Variants in NAA25 observed in about 807,000 individuals in gnomAD.
NAA25 encodes N-terminal acetyltransferase B complex subunit NAA25.
In NAA25, 30 loss-of-function variants were observed where a neutral mutation model predicts 132.5. The ratio of observed to expected loss-of-function variants is 0.23; its 90% CI spans 0.17 to 0.31. The LOEUF (loss-of-function observed/expected upper bound fraction) is 0.31. NAA25 is among the 10% of genes least tolerant of loss of function. NAA25 has a pLI of 1.00. For synonymous variants in NAA25, 359 were observed against 401.9 expected (o/e 0.89, Z 1.28); for missense variants, 771 against 1,150.4 (o/e 0.67, Z 4.77).
chr12:112,074,592 GAATTC>G, intron 9 of NAA25, 78 bp downstream of exon 9: 1 of 717,074 alleles, frequency 1.4e-6, no homozygotes, highest in South Asian at 2.5e-5. Context: ...CAGAAAAAGA[GAATTC>G]AATTGGCTTA....
At chr12:112,040,694 T>C in intron 20 of NAA25, 116 bp from the exon 21 acceptor site, 1 of 624,768 alleles carries the variant, frequency 1.6e-6, no homozygotes, top group Non-Finnish European at 2.7e-6. Flanking sequence ...AGCTATTTGT[T>C]TTTCATTTTC....
intron 8 of NAA25, among the ~76,000 whole-genome samples, chr12:112,075,449 A>G (rs2078882232): frequency 6.6e-6 from 1 of 152,182 alleles, no homozygotes; most frequent in Admixed American, 6.6e-5. Flanking sequence ...TTGGCCTCTC[A>G]AAGTGCTGGG....
rs559400264 is a variant in NAA25 at position 112,030,797 on chromosome 12, G to A, written c.2797-1144C>T. Among the ~76,000 whole-genome samples, 57 of 152,218 alleles carry A rather than the reference G, an allele frequency of 3.7e-4. 1 individual carries two copies. The South Asian group carries it at 0.011, about 29-fold the overall frequency. On this transcript the variant is annotated intron_variant, in intron 23 of 23. Transcript: ENST00000261745. ...AGGTGTGCACAAATACATTTCACTC[G>A]GTAACATATGTAAAAGCAAATATAA... is the stretch of plus-strand genomic sequence containing the variant.
At position 112,043,746 on chromosome 12, in the gene NAA25, T is replaced by C. The variant is rs2078334481; in HGVS notation, c.2129A>G (p.Lys710Arg). The C allele has an allele frequency of 6.2e-7, 1 of 1,614,084 alleles. No individual in the cohort carries two copies. Reference sequence around the variant, plus strand: ...ATTCTCGGCAGTCTTCTCCGAGTTCTTTGGCTCCACAGGGTGGTTGAGACT... The same window carrying C: ...ATTCTCGGCAGTCTTCTCCGAGTTCCTTGGCTCCACAGGGTGGTTGAGACT... ...LPSLNHPVEP[K>R]NSEKTAENGV... is the part of the protein sequence containing the mutation. The change falls in exon 18 of 24, where the codon AAG becomes AGG. Residue 710 changes from lysine (K) to arginine (R), a missense_variant. This residue lies in a region of NAA25 where 324 missense variants were observed against 400.0 expected (regional missense o/e 0.81). Transcript: ENST00000261745.
intron 1 of NAA25, among the ~76,000 whole-genome samples, chr12:112,093,485 G>A (rs2079167439): frequency 6.6e-6 from 1 of 152,020 alleles, no homozygotes; most frequent in African/African-American, 2.4e-5. Flanking sequence ...AGGTTGCAGT[G>A]ACCTGAGATC....
chr12:112,086,833 G>A (rs759582657), intron 4 of NAA25, among the ~76,000 whole-genome samples: 4 of 152,074 alleles, frequency 2.6e-5, no homozygotes, highest in Admixed American at 6.6e-5. Flanking sequence ...CCAACATGGA[G>A]AAACCCTGTC....
chr12:112,050,875 A>G lies in NAA25; in HGVS notation c.1729-2432T>C, dbSNP rs542173035. The stretch of plus-strand genomic sequence containing the variant: ...GCAGACCTTCCAAATACAACTTTCA[A>G]TCCCATAGCACAAAACATTACTAAG... On this transcript the variant is annotated intron_variant, in intron 15 of 23. Coordinates refer to ENST00000261745, the MANE Select transcript of NAA25 (RefSeq NM_024953.4). Among the ~76,000 whole-genome samples the G allele has an allele frequency of 3.9e-5, 6 of 152,278 alleles. No individual in the cohort carries two copies. The East Asian group carries it at 1.2e-3, about 29-fold the overall frequency.
chr12:112,048,484 A>G, intron 15 of NAA25, 41 bp from the exon 16 acceptor site: 4 of 1,572,142 alleles, frequency 2.5e-6, no homozygotes, highest in Middle Eastern at 3.4e-4. Context: ...ATAGTTCACA[A>G]GTCAGGCAAT....
intron 1 of NAA25, among the ~76,000 whole-genome samples, chr12:112,102,930 C>T (rs1030916185): frequency 1.3e-5 from 2 of 152,088 alleles, no homozygotes; most frequent in South Asian, 2.1e-4. Context: ...CCTCATGATC[C>T]GCCGGCCTCG....
chr12:112,044,228 G>C (rs1215999539), intron 17 of NAA25, among the ~76,000 whole-genome samples: 1 of 151,582 alleles, frequency 6.6e-6, no homozygotes, highest in Non-Finnish European at 1.5e-5. Context: ...ACCGCGCCTG[G>C]CCTCAAATCA....
intron 15 of NAA25, 78 bp downstream of exon 15, chr12:112,053,480 G>T: frequency 9.6e-7 from 1 of 1,039,932 alleles, no homozygotes; most frequent in Non-Finnish European, 1.5e-6. Flanking sequence ...ATGTGTACTT[G>T]TGACATGTGG....
Position 112,043,966 on chromosome 12 carries a change from C to T in NAA25, c.2007-98G>A, listed in dbSNP as rs545767637. 124 of 1,293,592 alleles carry T rather than the reference C, an allele frequency of 9.6e-5. 2 individuals are homozygous for T. In the South Asian group the frequency reaches 9.9e-4, roughly 10 times the overall value. The allele number at this position is 1,293,592 out of a possible 1,614,324, so 80.1% of individuals were successfully genotyped here. A position where few individuals can be genotyped will look rare whatever the true frequency, so the allele number is the denominator to read the frequency against. On this transcript the variant is annotated intron_variant, in intron 17 of 23. Coordinates refer to ENST00000261745, the MANE Select transcript of NAA25 (RefSeq NM_024953.4). ...TTTTTGAGACAGAGTCTTGATCTGTCGCCCAGGCTGGAGTGCAGTGGCACT... is the reference window on the plus strand; with the variant it reads ...TTTTTGAGACAGAGTCTTGATCTGTTGCCCAGGCTGGAGTGCAGTGGCACT...
intron 22 of NAA25, among the ~76,000 whole-genome samples, chr12:112,035,962 A>G (rs1200733425): frequency 6.6e-6 from 1 of 152,226 alleles, no homozygotes; most frequent in East Asian, 1.9e-4. Context: ...CTGGGATTAT[A>G]GGTGTGAACC....
At chr12:112,075,925 C>G (rs1238521041) in intron 7 of NAA25, 136 bp from the exon 8 acceptor site, 1 of 637,182 alleles carries the variant, frequency 1.6e-6, no homozygotes, top group Admixed American at 2.8e-5. Flanking sequence ...TCTTGTCACC[C>G]AGGCTGGAGT....
intron 18 of NAA25, 26 bp downstream of exon 18, chr12:112,043,599 T>C: frequency 6.2e-7 from 1 of 1,608,148 alleles, no homozygotes; most frequent in Non-Finnish European, 8.5e-7. Context: ...ATTGCAACTT[T>C]GATGGTAAAT....
intron 4 of NAA25, among the ~76,000 whole-genome samples, chr12:112,081,778 T>C (rs767356118): frequency 1.4e-4 from 22 of 152,252 alleles, no homozygotes; most frequent in Non-Finnish European, 3.1e-4. Context: ...AATTTTCATA[T>C]GTTTTTTAAT....
At chr12:112,074,800 C>A (rs1165827747) in intron 8 of NAA25, 36 bp from the exon 9 acceptor site, 1 of 1,373,968 alleles carries the variant, frequency 7.3e-7, no homozygotes, top group Non-Finnish European at 1.0e-6. Context: ...CAGGATTAAA[C>A]CCAAGTTGTG....
intron 4 of NAA25, among the ~76,000 whole-genome samples, chr12:112,086,348 T>C (rs2136919613): frequency 6.6e-6 from 1 of 150,694 alleles, no homozygotes; most frequent in Middle Eastern, 3.5e-3. Flanking sequence ...ACACAAAAAT[T>C]AGCCAGGTAT....
chr12:112,032,103 A>G (rs1215558813), intron 23 of NAA25, among the ~76,000 whole-genome samples: 2 of 151,576 alleles, frequency 1.3e-5, no homozygotes, highest in Non-Finnish European at 2.9e-5. Flanking sequence ...AGCTGGGACT[A>G]GAGGCGCCCA....
Sources: allele counts gnomAD v4.1 joint callset (sites outside exome capture counted in the v4.1 genomes callset), GRCh38; gene constraint gnomAD v4.1.1; regional missense constraint gnomAD v4.1.1; transcripts MANE v1.5; gene names NCBI Gene and HGNC (gene_info 2026-07-23, HGNC 2026-07-21).